Variants in PEMT observed in about 807,000 individuals in gnomAD.
The protein encoded by PEMT is phospholipid methyltransferase.
PEMT carries 23 observed loss-of-function variants against 27.4 expected under a neutral mutation model. The observed-to-expected ratio is 0.84, with a 90% CI of 0.60 to 1.19. PEMT has a LOEUF of 1.19. Among genes scored for constraint, PEMT ranks in the 50% most tolerant of loss-of-function variants. The pLI, the probability that PEMT is intolerant of heterozygous loss-of-function variation, is 0.00. For synonymous variants in PEMT, 137 were observed against 139.1 expected, an observed-to-expected ratio of 0.98 and a Z score of 0.11; for missense variants, 307 against 310.1, an observed-to-expected ratio of 0.99 and a Z score of 0.07.
chr17:17,569,557 CG>C (rs1911051300), intron 2 of PEMT, among the ~76,000 whole-genome samples: 1 of 152,178 alleles, frequency 6.6e-6, no homozygotes, highest in Non-Finnish European at 1.5e-5. Context: ...AGGAAACCGG[CG>C]TGACCCCGTG....
chr17:17,582,260 T>C lies in PEMT; in HGVS notation c.97-5233A>G. Reference sequence around the variant, plus strand: ...CGGAATCTGACTAAAGGAAAGGAGCTACCCACCACGGCCAGGAGGTCTGCT... The same window carrying C: ...CGGAATCTGACTAAAGGAAAGGAGCCACCCACCACGGCCAGGAGGTCTGCT... On this transcript the variant is annotated intron_variant, in intron 1 of 6. Coordinates refer to ENST00000255389, the MANE Select transcript of PEMT (RefSeq NM_148172.3). The surrounding 1 kb of genome is among the most constrained non-coding windows in gnomAD (Gnocchi z 4.9). The C allele has an allele frequency of 1.0e-6, 1 of 985,448 alleles. No homozygotes were observed. The highest frequency in any genetic ancestry group is 1.2e-6 in the Non-Finnish European group (1 of 829,946). The allele number at this position is 985,448 out of a possible 1,614,324, so 61.0% of individuals were successfully genotyped here. A position where few individuals can be genotyped will look rare whatever the true frequency, so the allele number is the denominator to read the frequency against.
At position 17,523,064 on chromosome 17, in the gene PEMT, C is replaced by T. The variant is rs923381544; in HGVS notation, c.205-669G>A. On this transcript the variant is annotated intron_variant, in intron 2 of 6. Coordinates refer to ENST00000255389, the MANE Select transcript of PEMT (RefSeq NM_148172.3). This position sits in a 1 kb window ranked among gnomAD's most constrained non-coding sequence, Gnocchi z 4.8. ...GCCACCAACGGTGGAGAGAAGGGAG[C>T]TCTTCCTGCCTGCCTGCTGTTTCCA... 1.3e-5 allele frequency among the ~76,000 whole-genome samples: 2 copies of T among 152,230 alleles called. No individual in the cohort carries two copies. Among genetic ancestry groups the T allele is most frequent in the African/African-American group, 4.8e-5 (2 of 41,448 alleles).
intron 2 of PEMT, among the ~76,000 whole-genome samples, chr17:17,531,566 G>A (rs181858036): frequency 1.6e-3 from 208 of 133,482 alleles, no homozygotes; most frequent in African/African-American, 5.5e-3. Context: ...AGGCAATTCA[G>A]TGGAGAAAGG....
rs1230920108 is a variant in PEMT at position 17,561,975 on chromosome 17, G to C, written c.204+14945C>G. On this transcript the variant is annotated intron_variant, in intron 2 of 6. Transcript: ENST00000255389. The surrounding 1 kb of genome is among the most constrained non-coding windows in gnomAD (Gnocchi z 4.5). ...AGGGCACCCCAGGCTCCGGTGGGAG[G>C]GGCCTCAGGACCGGATCTGGGCCGG... 6.6e-6 allele frequency among the ~76,000 whole-genome samples: 1 copy of C among 152,226 alleles called. No individual in the cohort carries two copies. The highest frequency in any genetic ancestry group is 1.5e-5 in the Non-Finnish European group (1 of 68,032).
chr17:17,563,227 T>C (rs1412336253), intron 2 of PEMT, among the ~76,000 whole-genome samples: 1 of 152,036 alleles, frequency 6.6e-6, no homozygotes, highest in Non-Finnish European at 1.5e-5. Flanking sequence ...CACCAGCTGC[T>C]CCTTAACAGC....
chr17:17,585,635 T>C (rs192819842), intron 1 of PEMT, among the ~76,000 whole-genome samples: 54 of 152,330 alleles, frequency 3.5e-4, no homozygotes, highest in Non-Finnish European at 5.1e-4. Context: ...TTAAATTTAG[T>C]AGTAAAAGAC....
chr17:17,586,280 GAAAGAAAGA>G (rs1285066140), intron 1 of PEMT, among the ~76,000 whole-genome samples: 1,779 of 92,376 alleles, frequency 0.019, 61 homozygotes, highest in Middle Eastern at 0.027. Context: ...AAGAAAGAAA[GAAAGAAAGA>G]AAAAAAAAAA....
In PEMT at chr17:17,513,191, T is replaced by G. The variant is rs1332588724; in HGVS notation, c.321-537A>C. The stretch of plus-strand genomic sequence containing the variant: ...AGCCCCTGTGGGTCTGGCCACATCC[T>G]GGGTGGCTTGACTTGCATTTAAAGG... On this transcript the variant is annotated intron_variant, in intron 3 of 6. Transcript: ENST00000255389. This position sits in a 1 kb window ranked among gnomAD's most constrained non-coding sequence, Gnocchi z 4.1. 6.6e-6 allele frequency among the ~76,000 whole-genome samples: 1 copy of G among 152,238 alleles called. No individual in the cohort carries two copies. The highest frequency in any genetic ancestry group is 2.4e-5 in the African/African-American group (1 of 41,470).
At chr17:17,534,458 G>A (rs191589566) in intron 2 of PEMT, among the ~76,000 whole-genome samples, 55 of 152,332 alleles carry the variant, frequency 3.6e-4, no homozygotes, top group African/African-American at 1.3e-3. Flanking sequence ...GGGGCTGGGG[G>A]GATCTCAAAG....
At chr17:17,554,229 C>A (rs556162541) in intron 2 of PEMT, among the ~76,000 whole-genome samples, 1 of 152,220 alleles carries the variant, frequency 6.6e-6, no homozygotes, top group Non-Finnish European at 1.5e-5. Context: ...GTTAGAGACC[C>A]GGCCCCCTCC....
chr17:17,529,685 T>A (rs1907950582), intron 2 of PEMT, among the ~76,000 whole-genome samples: 1 of 152,196 alleles, frequency 6.6e-6, no homozygotes, highest in South Asian at 2.1e-4. Context: ...TCCCCCAGCC[T>A]CAGTGCTCAT....
chr17:17,581,713 G>C (rs1303744444), intron 1 of PEMT, among the ~76,000 whole-genome samples: 1 of 152,178 alleles, frequency 6.6e-6, no homozygotes, highest in Non-Finnish European at 1.5e-5. Context: ...TCTCCCTCCT[G>C]TGCCCAGGTC....
intron 1 of PEMT, among the ~76,000 whole-genome samples, chr17:17,588,887 G>T (rs953844367): frequency 6.6e-6 from 1 of 152,248 alleles, no homozygotes; most frequent in Non-Finnish European, 1.5e-5. Context: ...AGGAGCAAAA[G>T]GGCCTTAGTC....
chr17:17,575,537 G>T (rs1007998366), intron 2 of PEMT, among the ~76,000 whole-genome samples: 12 of 152,242 alleles, frequency 7.9e-5, no homozygotes, highest in African/African-American at 2.9e-4. Flanking sequence ...CAGGCAGTGG[G>T]AGGAAACGCC....
At chr17:17,510,660 G>T (rs1421934029) in intron 4 of PEMT, among the ~76,000 whole-genome samples, 3 of 152,242 alleles carry the variant, frequency 2.0e-5, no homozygotes, top group Admixed American at 1.3e-4. Context: ...ATACCGCGCT[G>T]CTGGTCCTCG....
intron 2 of PEMT, among the ~76,000 whole-genome samples, chr17:17,546,827 C>A (rs887770780): frequency 2.6e-5 from 4 of 152,266 alleles, no homozygotes; most frequent in Admixed American, 2.6e-4. Flanking sequence ...ACAACCAAGG[C>A]TGCCTCATTA....
chr17:17,570,560 C>A, intron 2 of PEMT: 1 of 985,374 alleles, frequency 1.0e-6, no homozygotes, highest in South Asian at 4.7e-5. Context: ...GGACACCTGA[C>A]AAGGACCACT....
chr17:17,545,000 C>T lies in PEMT; in HGVS notation c.205-22605G>A, dbSNP rs547179475. On this transcript the variant is annotated intron_variant, in intron 2 of 6. Transcript: ENST00000255389. ...AGGGAGTCCAAGGTGGGCCCGGGCCCGGGTTAACTTGGACAAGGCACTTCC... is the reference window on the plus strand; with the variant it reads ...AGGGAGTCCAAGGTGGGCCCGGGCCTGGGTTAACTTGGACAAGGCACTTCC... Among the ~76,000 whole-genome samples, 9 of 152,246 alleles carry T rather than the reference C, an allele frequency of 5.9e-5. No individual in the cohort carries two copies. The South Asian group carries it at 8.3e-4, about 14-fold the overall frequency.
chr17:17,507,206 C>A (rs1426339325), intron 5 of PEMT: 2 of 1,554,850 alleles, frequency 1.3e-6, no homozygotes, highest in Non-Finnish European at 8.7e-7. Context: ...TGGGCTGCTG[C>A]CAGGGAGGAG....
Sources: allele counts gnomAD v4.1 joint callset (sites outside exome capture counted in the v4.1 genomes callset), GRCh38; gene constraint gnomAD v4.1.1; non-coding constraint Gnocchi (gnomAD v3.1); transcripts MANE v1.5; gene names NCBI Gene and HGNC (gene_info 2026-07-23, HGNC 2026-07-21).